The following STK32A variants were observed in gnomAD, a reference collection of about 807,000 sequenced individuals.
The protein encoded by STK32A is serine/threonine-protein kinase 32A.
In STK32A, 41 loss-of-function variants were observed where a neutral mutation model predicts 53.2. The ratio of observed to expected loss-of-function variants is 0.77; its 90% CI spans 0.60 to 1.00. The LOEUF is 1.00. STK32A is among the 50% of genes least tolerant of loss of function. The pLI, the probability that STK32A is intolerant of heterozygous loss-of-function variation, is 0.00. For missense variants in STK32A, 458 were observed against 485.8 expected (o/e 0.94, Z 0.54); for synonymous variants, 166 against 162.8 (o/e 1.02, Z -0.15).
At chr5:147,367,097 G>A (rs551268953) in intron 8 of STK32A, among the ~76,000 whole-genome samples, 96 of 150,966 alleles carry the variant, frequency 6.4e-4, no homozygotes, top group South Asian at 1.3e-3. Flanking sequence ...GGAGAGTCTT[G>A]CTCTGTCCCC....
intron 2 of STK32A, among the ~76,000 whole-genome samples, chr5:147,252,626 T>A (rs544303634): frequency 1.3e-5 from 2 of 152,050 alleles, no homozygotes; most frequent in Admixed American, 6.6e-5. Context: ...TGCAAATGAG[T>A]TGTAGAAAGC....
chr5:147,384,410 A>T lies in STK32A; in HGVS notation c.*427A>T, dbSNP rs2152009569. 6.5e-7 allele frequency: 1 copy of T among 1,534,522 alleles called. No individual in the cohort carries two copies. Among genetic ancestry groups the T allele is most frequent in the Middle Eastern group, 1.7e-4 (1 of 5,980 alleles). On this transcript the variant is annotated 3_prime_UTR_variant, in exon 13 of 13. Coordinates refer to ENST00000397936, the MANE Select transcript of STK32A (RefSeq NM_001112724.2). ...ACAAATGGACACAGGACTCAGTGAGACTTTTCAGACCTCGAAAGTTTCATA... is the reference window on the plus strand; with the variant it reads ...ACAAATGGACACAGGACTCAGTGAGTCTTTTCAGACCTCGAAAGTTTCATA...
At chr5:147,296,278 G>A (rs1306638293) in intron 4 of STK32A, among the ~76,000 whole-genome samples, 5 of 152,002 alleles carry the variant, frequency 3.3e-5, no homozygotes, top group Non-Finnish European at 7.4e-5. Context: ...TTTTAGAGCA[G>A]GAATTAAAGG....
At chr5:147,270,034 C>A (rs1030657) in intron 2 of STK32A, among the ~76,000 whole-genome samples, 343 of 152,150 alleles carry the variant, frequency 2.3e-3, no homozygotes, top group African/African-American at 7.9e-3. Flanking sequence ...AGAAACATTT[C>A]AAAAACGAAA....
At chr5:147,342,933 C>A (rs1192684401) in intron 5 of STK32A, 73 bp from the exon 6 acceptor site, 5 of 1,432,156 alleles carry the variant, frequency 3.5e-6, no homozygotes, top group Non-Finnish European at 4.9e-6. Flanking sequence ...CTTTCTTAAG[C>A]CTTTTTGCCC....
intron 5 of STK32A, among the ~76,000 whole-genome samples, chr5:147,341,528 T>C (rs945927163): frequency 6.6e-6 from 1 of 152,152 alleles, no homozygotes; most frequent in African/African-American, 2.4e-5. Flanking sequence ...CAGGCTGGAG[T>C]GCAATGGCTA....
chr5:147,347,041 C>G (rs1004166782), intron 6 of STK32A, among the ~76,000 whole-genome samples: 5 of 152,040 alleles, frequency 3.3e-5, no homozygotes, highest in African/African-American at 9.7e-5. Context: ...TTAATTACTC[C>G]CTAGGTAGTG....
intron 8 of STK32A, among the ~76,000 whole-genome samples, chr5:147,365,418 T>C (rs1756696953): frequency 6.6e-6 from 1 of 152,300 alleles, no homozygotes. Context: ...CAAATTGATG[T>C]GAAAGGACCA....
At chr5:147,390,591 A>G (rs1757773389), downstream of STK32A, among the ~76,000 whole-genome samples, 1 of 152,096 alleles carries the variant, frequency 6.6e-6, no homozygotes, top group Non-Finnish European at 1.5e-5. Context: ...GAAGAAAAAA[A>G]CTTACTCATT....
chr5:147,307,624 C>CAAAAA (rs34762967), intron 4 of STK32A, among the ~76,000 whole-genome samples: 2 of 75,298 alleles, frequency 2.7e-5, no homozygotes, highest in Non-Finnish European at 2.5e-5. Flanking sequence ...GACGCTGTCT[C>CAAAAA]AAAAAAAAAA....
chr5:147,244,327 G>T (rs188994851), intron 2 of STK32A, among the ~76,000 whole-genome samples: 411 of 152,224 alleles, frequency 2.7e-3, no homozygotes, highest in Non-Finnish European at 4.4e-3. Flanking sequence ...TGTGAATAAG[G>T]CTGCTATAAA....
intron 2 of STK32A, among the ~76,000 whole-genome samples, chr5:147,260,301 C>G (rs1304477790): frequency 7.3e-6 from 1 of 136,726 alleles, no homozygotes; most frequent in Non-Finnish European, 1.7e-5. Context: ...GCCTGTCTCT[C>G]TCTCTCTCTC....
At chr5:147,259,448 CT>C (rs1754393818) in intron 2 of STK32A, among the ~76,000 whole-genome samples, 1 of 152,010 alleles carries the variant, frequency 6.6e-6, no homozygotes, top group Non-Finnish European at 1.5e-5. Flanking sequence ...AGGCTATGCC[CT>C]TGTTTATACT....
At chr5:147,285,774 A>G (rs1752300532) in intron 4 of STK32A, among the ~76,000 whole-genome samples, 4 of 151,916 alleles carry the variant, frequency 2.6e-5, no homozygotes, top group Non-Finnish European at 2.9e-5. Context: ...GTTATAATAA[A>G]AAAAAAATCA....
At chr5:147,344,921 C>T (rs557294579) in intron 6 of STK32A, among the ~76,000 whole-genome samples, 1 of 152,332 alleles carries the variant, frequency 6.6e-6, no homozygotes, top group South Asian at 2.1e-4. Context: ...CATGGCTTCA[C>T]CCTACTTCTA....
chr5:147,350,815 C>A (rs1013141583), intron 6 of STK32A, among the ~76,000 whole-genome samples: 4 of 152,140 alleles, frequency 2.6e-5, no homozygotes, highest in African/African-American at 9.7e-5. Flanking sequence ...ACTAGAATTA[C>A]CTGACCACAA....
At chr5:147,260,295 GTCTC>G (rs71001423) in intron 2 of STK32A, among the ~76,000 whole-genome samples, 56,474 of 117,338 alleles carry the variant, frequency 0.48, 13,961 homozygotes, top group Middle Eastern at 0.59. Flanking sequence ...TCTCTCGCCT[GTCTC>G]TCTCTCTCTC....
intron 7 of STK32A, among the ~76,000 whole-genome samples, chr5:147,356,920 A>G (rs1329102705): frequency 2.6e-5 from 4 of 152,136 alleles, no homozygotes; most frequent in African/African-American, 9.7e-5. Context: ...TATGTCCTGG[A>G]ACTTAGTTAT....
intron 6 of STK32A, among the ~76,000 whole-genome samples, chr5:147,346,504 G>A (rs1374018354): frequency 6.6e-6 from 1 of 152,122 alleles, no homozygotes; most frequent in Non-Finnish European, 1.5e-5. Context: ...ACATTTAAAG[G>A]AGCCAATTGT....
Sources: allele counts gnomAD v4.1 joint callset (sites outside exome capture counted in the v4.1 genomes callset), GRCh38; gene constraint gnomAD v4.1.1; transcripts MANE v1.5; gene names NCBI Gene and HGNC (gene_info 2026-07-23, HGNC 2026-07-21).